CDC14A: variants seen among roughly 807,000 people sequenced by gnomAD.
CDC14A encodes cell division cycle 14A.
In CDC14A, 53 loss-of-function variants were observed where a neutral mutation model predicts 74.4. That is an observed-to-expected ratio of 0.71 (90% CI 0.57 to 0.89). The LOEUF is 0.89. CDC14A is among the 40% of genes least tolerant of loss of function. CDC14A has a pLI of 0.00. For missense variants in CDC14A, 646 were observed against 713.7 expected (o/e 0.91, Z 1.08); for synonymous variants, 247 against 258.4 (o/e 0.96, Z 0.43).
intron 3 of CDC14A, among the ~76,000 whole-genome samples, chr1:100,381,007 G>GCATTTA (rs1217172830): frequency 6.6e-5 from 10 of 152,134 alleles, no homozygotes; most frequent in Admixed American, 6.5e-4. Context: ...TCTCTGTGCA[G>GCATTTA]ATCTGTATCG....
intron 2 of CDC14A, among the ~76,000 whole-genome samples, chr1:100,376,152 T>A (rs996512754): frequency 6.7e-6 from 1 of 149,536 alleles, no homozygotes; most frequent in Non-Finnish European, 1.5e-5. Flanking sequence ...CTGCCTGTCA[T>A]GGGGTGGGGG....
intron 2 of CDC14A, among the ~76,000 whole-genome samples, chr1:100,361,535 G>A (rs1249429882): frequency 6.6e-6 from 1 of 152,192 alleles, no homozygotes; most frequent in African/African-American, 2.4e-5. Context: ...ACCTAGCACT[G>A]TGCCTGGCAT....
At chr1:100,452,505 CATCTCCAGATAAAAAAAAGGAA>C (rs1438854570) in intron 7 of CDC14A, among the ~76,000 whole-genome samples, 1 of 152,026 alleles carries the variant, frequency 6.6e-6, no homozygotes, top group African/African-American at 2.4e-5. Flanking sequence ...AATGCAACTC[CATCTCCAGATAAAAAAAAGGAA>C]TTGTAAAAAT....
rs780323741 is a variant in CDC14A, at chr1:100,428,582, G to A, written c.389+4281G>A. 2.0e-4 allele frequency among the ~76,000 whole-genome samples: 31 copies of A among 152,276 alleles called. 2 individuals carry two copies. Among genetic ancestry groups the A allele is most frequent in the Middle Eastern group, 6.8e-3 (2 of 294 alleles). ...ACTAAATTATAGTGTATACTATTGA[G>A]CAAACAAAGTCGTATTAATCTCAGC... On this transcript the variant is annotated intron_variant, in intron 5 of 15. Transcript: ENST00000336454.
intron 9 of CDC14A, among the ~76,000 whole-genome samples, chr1:100,467,367 T>C (rs1277708765): frequency 2.0e-5 from 3 of 152,142 alleles, no homozygotes; most frequent in African/African-American, 7.2e-5. Context: ...AAAATGAAAC[T>C]ATCAATGTTT....
At chr1:100,384,674 T>G (rs1159733266) in intron 3 of CDC14A, among the ~76,000 whole-genome samples, 1 of 152,208 alleles carries the variant, frequency 6.6e-6, no homozygotes, top group African/African-American at 2.4e-5. Flanking sequence ...AGCAAATTGG[T>G]CACCTGTGGC....
At position 100,457,276 on chromosome 1, in the gene CDC14A, T is replaced by A. The variant is rs182234885; in HGVS notation, c.607+1784T>A. ...ATGGATACATGCATTTTGAAAAAAA[T>A]TTTTTTTTAACAAAAGTGGCATCAT... On this transcript the variant is annotated intron_variant, in intron 8 of 15. Coordinates refer to ENST00000336454, the MANE Select transcript of CDC14A (RefSeq NM_003672.4). 8.3e-3 allele frequency among the ~76,000 whole-genome samples: 1,257 copies of A among 151,950 alleles called. 15 individuals carry two copies. Among genetic ancestry groups the A allele is most frequent in the African/African-American group, 0.028 (1,152 of 41,460 alleles).
chr1:100,441,413 A>G (rs1664911250), intron 6 of CDC14A, among the ~76,000 whole-genome samples: 1 of 152,216 alleles, frequency 6.6e-6, no homozygotes, highest in Non-Finnish European at 1.5e-5. Context: ...GAGTAGTACC[A>G]TTCCAAGAAC....
At chr1:100,405,377 A>AT (rs966919908) in intron 4 of CDC14A, among the ~76,000 whole-genome samples, 4 of 151,700 alleles carry the variant, frequency 2.6e-5, no homozygotes, top group African/African-American at 4.8e-5. Flanking sequence ...ACTCTTACAT[A>AT]TTTTTTTTTC....
intron 11 of CDC14A, among the ~76,000 whole-genome samples, chr1:100,491,518 A>ATATC (rs1553196417): frequency 6.8e-4 from 18 of 26,590 alleles, no homozygotes; most frequent in Non-Finnish European, 9.7e-4. Context: ...ATATATCTGC[A>ATATC]TCTCTCTCTC....
intron 4 of CDC14A, among the ~76,000 whole-genome samples, chr1:100,420,063 C>CACACACATATATATATATAT: frequency 6.8e-4 from 42 of 61,588 alleles, no homozygotes; most frequent in African/African-American, 9.6e-4. Context: ...CACACACACA[C>CACACACATATATATATATAT]ATATATATAT....
At position 100,383,023 on chromosome 1, in the gene CDC14A, A is replaced by T. The variant is rs1488973935; in HGVS notation, c.216+5402A>T. On this transcript the variant is annotated intron_variant, in intron 3 of 15. Coordinates refer to ENST00000336454, the MANE Select transcript of CDC14A (RefSeq NM_003672.4). ...TACAAAAACATGTTGAGATTTCTTC[A>T]TGTGGTTCTTTTCTGTTTCTGGCTC... is the stretch of plus-strand genomic sequence containing the variant. Among the ~76,000 whole-genome samples, 3 of 152,184 alleles carry T rather than the reference A, an allele frequency of 2.0e-5. No homozygotes were observed. In the East Asian group the frequency reaches 5.8e-4, roughly 29 times the overall value.
At chr1:100,366,158 G>T (rs1212404922) in intron 2 of CDC14A, among the ~76,000 whole-genome samples, 2 of 152,174 alleles carry the variant, frequency 1.3e-5, no homozygotes, top group Non-Finnish European at 2.9e-5. Flanking sequence ...AGCAGTGCTG[G>T]TAAAACATTG....
At chr1:100,414,302 T>C (rs1168870022) in intron 4 of CDC14A, among the ~76,000 whole-genome samples, 1 of 152,188 alleles carries the variant, frequency 6.6e-6, no homozygotes, top group Non-Finnish European at 1.5e-5. Flanking sequence ...CCATCTCTAC[T>C]TTAAACAACA....
At chr1:100,467,530 T>G (rs1667964247) in intron 9 of CDC14A, among the ~76,000 whole-genome samples, 1 of 152,198 alleles carries the variant, frequency 6.6e-6, no homozygotes, top group South Asian at 2.1e-4. Context: ...CCTATAACTT[T>G]CCCTGTGACC....
chr1:100,364,683 A>C (rs184092483), intron 2 of CDC14A, among the ~76,000 whole-genome samples: 1 of 152,230 alleles, frequency 6.6e-6, no homozygotes, highest in Non-Finnish European at 1.5e-5. Flanking sequence ...AGTACTAGCC[A>C]TTGAATAATG....
intron 5 of CDC14A, among the ~76,000 whole-genome samples, chr1:100,428,874 A>G (rs1286274505): frequency 1.3e-5 from 2 of 152,114 alleles, no homozygotes; most frequent in Non-Finnish European, 2.9e-5. Flanking sequence ...GTTTTTTAGT[A>G]TTGGTGATAA....
chr1:100,373,408 A>G (rs1337168616), intron 2 of CDC14A, among the ~76,000 whole-genome samples: 1 of 152,216 alleles, frequency 6.6e-6, no homozygotes, highest in East Asian at 1.9e-4. Flanking sequence ...TGACCATCAT[A>G]ACAGATACAA....
chr1:100,352,005 C>A (rs3081854), upstream of CDC14A, among the ~76,000 whole-genome samples: 4 of 106,732 alleles, frequency 3.7e-5, no homozygotes, highest in African/African-American at 1.4e-4. Flanking sequence ...TGTGTGTGTG[C>A]GCGCGCGCGC....
Sources: gnomAD v4.1 joint callset for allele counts (sites outside exome capture counted in the v4.1 genomes callset) on GRCh38, gnomAD v4.1.1 for gene constraint, MANE v1.5 for transcripts, NCBI Gene and HGNC (gene_info 2026-07-23, HGNC 2026-07-21) for gene names.